CFAP91: variants seen among roughly 807,000 people sequenced by gnomAD.
CFAP91 encodes cilia and flagella associated protein 91, also known as cilia- and flagella-associated protein 91.
CFAP91 carries 85 observed loss-of-function variants against 95.9 expected under a neutral mutation model. The ratio of observed to expected loss-of-function variants is 0.89; its 90% CI spans 0.74 to 1.06. The LOEUF (loss-of-function observed/expected upper bound fraction) is 1.06, where lower values mean the gene tolerates loss of function less well. Ranked by LOEUF, CFAP91 falls within the 50% of genes least tolerant of loss-of-function variation. The pLI is 0.00. For missense variants in CFAP91, 962 were observed against 943.4 expected (o/e 1.02, Z -0.26); for synonymous variants, 335 against 327.5 (o/e 1.02, Z -0.25).
In CFAP91 at chr3:119,743,970, T is replaced by A. The variant is rs1577235360; in HGVS notation, c.1681-5T>A. ...TGTCCTTAAAGTTATGTTATTCTTTTCAAGGTGTCACTGGTTGAAAACCAT... is the reference window on the plus strand; with the variant it reads ...TGTCCTTAAAGTTATGTTATTCTTTACAAGGTGTCACTGGTTGAAAACCAT... On this transcript the variant is annotated splice_region_variant and splice_polypyrimidine_tract_variant and intron_variant, in intron 13 of 17. Transcript: ENST00000273390. 13 of 1,591,936 alleles carry A rather than the reference T, an allele frequency of 8.2e-6. No individual in the cohort carries two copies. The East Asian group carries it at 2.9e-4, about 36-fold the overall frequency.
chr3:119,714,365 CAAA>C (rs1265042198), intron 5 of CFAP91, among the ~76,000 whole-genome samples: 28 of 128,582 alleles, frequency 2.2e-4, no homozygotes, highest in Middle Eastern at 3.8e-3. Flanking sequence ...GACTCCGTCT[CAAA>C]AAAAAAAAAA....
chr3:119,745,482 A>G (rs1274521259), intron 14 of CFAP91, among the ~76,000 whole-genome samples: 1 of 152,234 alleles, frequency 6.6e-6, no homozygotes, highest in African/African-American at 2.4e-5. Context: ...ACATAGCCAC[A>G]CTTTTCCTTA....
rs185542253 is a variant in CFAP91 at position 119,733,621 on chromosome 3, C to T, written c.1344+115C>T. The T allele has an allele frequency of 9.3e-6, 10 of 1,070,030 alleles. No homozygotes were observed. The African/African-American group carries it at 1.1e-4, about 12-fold the overall frequency. 66.3% of individuals were successfully genotyped at this position (1,070,030 alleles called of 1,614,324 possible). On this transcript the variant is annotated intron_variant, in intron 10 of 17. Coordinates refer to ENST00000273390, the MANE Select transcript of CFAP91 (RefSeq NM_033364.4). Reference sequence around the variant, plus strand: ...GTCAAACATAGACCTACATTCTCTGCTCTGCACTTTTCTGAGGTTGCCCAT... The same window carrying T: ...GTCAAACATAGACCTACATTCTCTGTTCTGCACTTTTCTGAGGTTGCCCAT...
chr3:119,711,434 C>A (rs2053470841), intron 5 of CFAP91, among the ~76,000 whole-genome samples: 1 of 152,188 alleles, frequency 6.6e-6, no homozygotes, highest in Non-Finnish European at 1.5e-5. Context: ...CTTTGGAGGT[C>A]ATAACTGCCT....
intron 5 of CFAP91, 36 bp from the exon 6 acceptor site, chr3:119,715,526 C>G (rs370858430): frequency 1.0e-4 from 154 of 1,538,630 alleles, no homozygotes; most frequent in Non-Finnish European, 1.3e-4. Flanking sequence ...GTGACCATAA[C>G]AGGTTTCAAT....
chr3:119,703,265 A>T (rs762807211), intron 1 of CFAP91, 43 bp downstream of exon 1: 1 of 1,602,574 alleles, frequency 6.2e-7, no homozygotes, highest in Non-Finnish European at 8.5e-7. Flanking sequence ...GTCGCCTCCT[A>T]GGCCAGGTGG....
chr3:119,764,513 C>G (rs915049782), intron 17 of CFAP91, among the ~76,000 whole-genome samples: 2 of 152,112 alleles, frequency 1.3e-5, no homozygotes, highest in East Asian at 3.9e-4. Context: ...TATTATTGTA[C>G]ATGTCTGACT....
intron 6 of CFAP91, among the ~76,000 whole-genome samples, chr3:119,722,563 A>C (rs1458796340): frequency 6.6e-6 from 1 of 152,152 alleles, no homozygotes; most frequent in African/African-American, 2.4e-5. Context: ...ATCATAGCTC[A>C]CTGCAGCCTC....
intron 13 of CFAP91, 148 bp downstream of exon 13, chr3:119,740,843 G>GTC (rs146964712): frequency 3.1e-6 from 2 of 650,574 alleles, no homozygotes; most frequent in Admixed American, 5.3e-5. Flanking sequence ...ATTTGTGTGT[G>GTC]TGTGTGTGTG....
rs542237715 is a variant in CFAP91, at chr3:119,751,006, T to A, written c.2213T>A (p.Val738Asp). Residue 738 changes from valine (V) to aspartate (D), a missense_variant, in exon 17 of 18, where the codon GTT becomes GAT. By Grantham distance (152) the Val-to-Asp change is radical (BLOSUM62 -3). Coordinates refer to ENST00000273390, the MANE Select transcript of CFAP91 (RefSeq NM_033364.4). Reference sequence around the variant, plus strand: ...ATCCACAGTTACACGGAAAGCATGGTTCAAAAGAAATTAACTGAGGGAGAG... The same window carrying A: ...ATCCACAGTTACACGGAAAGCATGGATCAAAAGAAATTAACTGAGGGAGAG... ...QIIHSYTESM[V>D]QKKLTEGEQD... is the part of the protein sequence containing the mutation. 1 of 1,613,900 alleles carries A rather than the reference T, an allele frequency of 6.2e-7. No individual in the cohort carries two copies. Among genetic ancestry groups the A allele is most frequent in the African/African-American group, 1.3e-5 (1 of 75,006 alleles).
intron 6 of CFAP91, 60 bp from the exon 7 acceptor site, chr3:119,726,111 A>G (rs927284415): frequency 4.7e-5 from 67 of 1,438,968 alleles, no homozygotes; most frequent in Non-Finnish European, 5.9e-5. Context: ...AGTTAATTAT[A>G]TACTGGGGGG....
chr3:119,728,003 T>G (rs754537010), intron 7 of CFAP91, among the ~76,000 whole-genome samples: 51 of 150,420 alleles, frequency 3.4e-4, no homozygotes, highest in South Asian at 2.1e-4. Flanking sequence ...AATATCAGAT[T>G]GATGATGATA....
intron 13 of CFAP91, among the ~76,000 whole-genome samples, chr3:119,741,541 A>C (rs1240495305): frequency 2.0e-5 from 3 of 152,210 alleles, no homozygotes; most frequent in African/African-American, 7.2e-5. Flanking sequence ...GCTCCAAACC[A>C]ACAACTGTAA....
rs1038753728 is a variant in CFAP91, at chr3:119,733,413, A to C, written c.1251A>C (p.Gln417His). ...TCCCAGATTTTGTGACACAACCCCA[A>C]ATCAGAGCTCCAAAACCTAAAGTCA... is the stretch of plus-strand genomic sequence containing the variant. ...SCLPDFVTQP[Q>H]IRAPKPKVIT... The change falls in exon 10 of 18, where the codon CAA becomes CAC. Residue 417 changes from glutamine to histidine, a missense_variant. Transcript: ENST00000273390. 2 of 1,614,140 alleles carry C rather than the reference A, an allele frequency of 1.2e-6. No homozygotes were observed. Among genetic ancestry groups the C allele is most frequent in the African/African-American group, 1.3e-5 (1 of 75,060 alleles).
intron 1 of CFAP91, among the ~76,000 whole-genome samples, chr3:119,705,028 C>T (rs2053331245): frequency 6.6e-6 from 1 of 152,176 alleles, no homozygotes; most frequent in East Asian, 1.9e-4. Flanking sequence ...ACGATAAGCT[C>T]ACCTCATAAC....
rs2054622450 is a variant in CFAP91 at position 119,766,092 on chromosome 3, G to C, written c.*1042G>C. 6.6e-6 allele frequency: 1 copy of C among 152,158 alleles called. No homozygotes were observed. The allele number at this position is 152,158 out of a possible 1,614,324, so 9.4% of individuals were successfully genotyped here. ...AGCAACAAAATTTACACATTCATTT[G>C]GATGCAGTGAAAAGGGCAGAAATAC... On this transcript the variant is annotated 3_prime_UTR_variant, in exon 18 of 18. Coordinates refer to ENST00000273390, the MANE Select transcript of CFAP91 (RefSeq NM_033364.4).
chr3:119,724,016 G>C (rs533395879), intron 6 of CFAP91, among the ~76,000 whole-genome samples: 3 of 151,576 alleles, frequency 2.0e-5, no homozygotes, highest in Non-Finnish European at 2.9e-5. Context: ...AAAAAAAAAT[G>C]AGCCAGGCGT....
intron 7 of CFAP91, among the ~76,000 whole-genome samples, chr3:119,729,441 C>T (rs1025491438): frequency 1.3e-5 from 2 of 151,856 alleles, no homozygotes; most frequent in Non-Finnish European, 2.9e-5. Context: ...GCCAGGGGTT[C>T]GAGACCAGCC....
intron 13 of CFAP91, among the ~76,000 whole-genome samples, chr3:119,742,552 G>C (rs2054142230): frequency 6.6e-6 from 1 of 152,248 alleles, no homozygotes. Context: ...GGATTTTCAA[G>C]GTTGCACCTG....
Sources: gnomAD v4.1 joint callset for allele counts (sites outside exome capture counted in the v4.1 genomes callset) on GRCh38, gnomAD v4.1.1 for gene constraint, MANE v1.5 for transcripts, NCBI Gene and HGNC (gene_info 2026-07-23, HGNC 2026-07-21) for gene names.